The following PTPRM variants were observed in gnomAD, a reference collection of about 807,000 sequenced individuals.
PTPRM encodes the protein receptor-type tyrosine-protein phosphatase mu.
PTPRM carries 47 observed loss-of-function variants against 186.7 expected under a neutral mutation model. That is an observed-to-expected ratio of 0.25 (90% CI 0.20 to 0.32). PTPRM has a LOEUF of 0.32. Among genes scored for constraint, PTPRM ranks in the 10% least tolerant of loss-of-function variants. The pLI, the probability that PTPRM is intolerant of heterozygous loss-of-function variation, is 1.00. For missense variants in PTPRM, 1,494 were observed against 1,865.0 expected (o/e 0.80, Z 3.66); for synonymous variants, 668 against 674.9 (o/e 0.99, Z 0.16).
chr18:8,228,185 G>C (rs1372024538), intron 14 of PTPRM, among the ~76,000 whole-genome samples: 1 of 152,136 alleles, frequency 6.6e-6, no homozygotes, highest in Non-Finnish European at 1.5e-5. Flanking sequence ...CTTATGTGCA[G>C]GTCTTGCCAC....
intron 1 of PTPRM, among the ~76,000 whole-genome samples, chr18:7,601,036 C>T (rs1267325683): frequency 7.2e-5 from 11 of 152,200 alleles, no homozygotes; most frequent in Non-Finnish European, 1.5e-5. Flanking sequence ...CGGAGCCCCT[C>T]TGTTGGTTCA....
intron 23 of PTPRM, among the ~76,000 whole-genome samples, chr18:8,356,376 C>A (rs1254904723): frequency 6.6e-6 from 1 of 152,130 alleles, no homozygotes; most frequent in Non-Finnish European, 1.5e-5. Flanking sequence ...GGAGTCTTTG[C>A]CAGGGAGCCA....
Position 8,056,920 on chromosome 18 carries a change from G to C in PTPRM, c.1133-12766G>C, listed in dbSNP as rs57400399. Among the ~76,000 whole-genome samples, 1,330 of 152,102 alleles carry C rather than the reference G, an allele frequency of 8.7e-3. 23 individuals are homozygous for C. The highest frequency in any genetic ancestry group is 0.031 in the African/African-American group (1,285 of 41,474). On this transcript the variant is annotated intron_variant, in intron 7 of 32. Transcript: ENST00000580170. ...CGTATAGACAAAGATGCTGCTCATA[G>C]CACTGCTTGTAGTAGAGAAAAGGTA... is the stretch of plus-strand genomic sequence containing the variant.
At chr18:7,683,815 G>A (rs1429538909) in intron 1 of PTPRM, among the ~76,000 whole-genome samples, 1 of 152,144 alleles carries the variant, frequency 6.6e-6, no homozygotes, top group Non-Finnish European at 1.5e-5. Flanking sequence ...CCAGATCAAG[G>A]TGTCTCCTGA....
rs138607562 is a variant in PTPRM, at chr18:8,166,868, C to T, written c.2300+23089C>T. On this transcript the variant is annotated intron_variant, in intron 14 of 32. Coordinates refer to ENST00000580170, the MANE Select transcript of PTPRM (RefSeq NM_001105244.2). ...GCTTCCACTCTGAGCCATTATGATA[C>T]TTTGGTTGAAATAAAATAGACCTAG... 1.4e-4 allele frequency among the ~76,000 whole-genome samples: 22 copies of T among 152,294 alleles called. No homozygotes were observed. In the East Asian group the frequency reaches 4.1e-3, roughly 28 times the overall value.
Position 7,979,739 on chromosome 18 carries a change from G to A in PTPRM, c.1132+24325G>A, listed in dbSNP as rs769158616. Among the ~76,000 whole-genome samples, 21 of 152,286 alleles carry A rather than the reference G, an allele frequency of 1.4e-4. No homozygotes were observed. In the Middle Eastern group the frequency reaches 0.01, roughly 74 times the overall value. ...TTTGTGTTGTGCTAAGTGTTCCCTC[G>A]TCACCTTGCAGTCCGCTGGCAGAAG... On this transcript the variant is annotated intron_variant, in intron 7 of 32. Transcript: ENST00000580170.
intron 32 of PTPRM, among the ~76,000 whole-genome samples, chr18:8,400,805 C>T (rs2095868593): frequency 6.6e-6 from 1 of 152,234 alleles, no homozygotes; most frequent in Non-Finnish European, 1.5e-5. Flanking sequence ...CCTTGTGCCA[C>T]CAACTGGTGT....
chr18:8,013,258 A>G (rs977393231), intron 7 of PTPRM, among the ~76,000 whole-genome samples: 1 of 152,214 alleles, frequency 6.6e-6, no homozygotes, highest in Non-Finnish European at 1.5e-5. Context: ...AATCTGTTTT[A>G]GTTAACCCTT....
chr18:7,591,493 A>C (rs1194314995), intron 1 of PTPRM, among the ~76,000 whole-genome samples: 1 of 152,178 alleles, frequency 6.6e-6, no homozygotes, highest in African/African-American at 2.4e-5. Context: ...CCACCACTAC[A>C]AGTTCAGAAG....
intron 2 of PTPRM, among the ~76,000 whole-genome samples, chr18:7,819,935 A>G (rs2045091734): frequency 6.6e-6 from 1 of 152,190 alleles, no homozygotes; most frequent in Non-Finnish European, 1.5e-5. Flanking sequence ...TCCATGAAGG[A>G]CTTTTCCCCA....
chr18:7,869,439 G>C (rs187962094), intron 2 of PTPRM, among the ~76,000 whole-genome samples: 1 of 152,184 alleles, frequency 6.6e-6, no homozygotes, highest in African/African-American at 2.4e-5. Flanking sequence ...GGCTTCCCTT[G>C]GCTAGGGGAG....
At chr18:8,001,081 C>A (rs751773382) in intron 7 of PTPRM, among the ~76,000 whole-genome samples, 1 of 152,128 alleles carries the variant, frequency 6.6e-6, no homozygotes, top group South Asian at 2.1e-4. Context: ...GAAGAGTGAG[C>A]AACTGCAGCT....
At chr18:7,669,240 G>A (rs200471082) in intron 1 of PTPRM, among the ~76,000 whole-genome samples, 92 of 152,180 alleles carry the variant, frequency 6.0e-4, no homozygotes, top group African/African-American at 2.1e-3. Context: ...TCACAACACC[G>A]AATCCATTCC....
intron 1 of PTPRM, among the ~76,000 whole-genome samples, chr18:7,764,284 CTAA>C (rs1411833266): frequency 6.6e-6 from 1 of 152,086 alleles, no homozygotes; most frequent in Non-Finnish European, 1.5e-5. Context: ...CATGTATTTT[CTAA>C]TAATACTTAA....
chr18:7,879,910 G>T (rs2048419427), intron 2 of PTPRM, among the ~76,000 whole-genome samples: 1 of 152,198 alleles, frequency 6.6e-6, no homozygotes, highest in Non-Finnish European at 1.5e-5. Flanking sequence ...TTAAAGGAAA[G>T]AGGTTTAATT....
rs188132299 is a variant in PTPRM at position 7,732,529 on chromosome 18, G to C, written c.74-41620G>C. Among the ~76,000 whole-genome samples, 205 of 151,918 alleles carry C rather than the reference G, an allele frequency of 1.3e-3. 1 individual carries two copies. The highest frequency in any genetic ancestry group is 2.3e-3 in the Non-Finnish European group (159 of 67,958). Reference sequence around the variant, plus strand: ...AAAATATTACTTTTTTTAGAGACAGGGTCTTGCTCTGTTGTTGCTCAGGCT... The same window carrying C: ...AAAATATTACTTTTTTTAGAGACAGCGTCTTGCTCTGTTGTTGCTCAGGCT... On this transcript the variant is annotated intron_variant, in intron 1 of 32. Coordinates refer to ENST00000580170, the MANE Select transcript of PTPRM (RefSeq NM_001105244.2).
chr18:7,932,151 C>T (rs889487708), intron 5 of PTPRM, among the ~76,000 whole-genome samples: 7 of 152,052 alleles, frequency 4.6e-5, no homozygotes, highest in Non-Finnish European at 8.8e-5. Context: ...GAGCAGAAGA[C>T]GGAGGTGGGG....
intron 7 of PTPRM, among the ~76,000 whole-genome samples, chr18:8,063,925 A>G (rs187531320): frequency 5.9e-5 from 9 of 152,306 alleles, no homozygotes; most frequent in Admixed American, 1.3e-4. Flanking sequence ...CTAACATTCA[A>G]CATTACCTAA....
intron 12 of PTPRM, among the ~76,000 whole-genome samples, chr18:8,114,077 C>A (rs1230418114): frequency 6.6e-6 from 1 of 152,094 alleles, no homozygotes; most frequent in Non-Finnish European, 1.5e-5. Flanking sequence ...AGCTCCAACA[C>A]ATACATTCAG....
Sources: allele counts gnomAD v4.1 joint callset (sites outside exome capture counted in the v4.1 genomes callset), GRCh38; gene constraint gnomAD v4.1.1; transcripts MANE v1.5; gene names NCBI Gene and HGNC (gene_info 2026-07-23, HGNC 2026-07-21).